Variants in C5orf63 observed in about 807,000 individuals in gnomAD.
The protein encoded by C5orf63 is chromosome 5 open reading frame 63.
A neutral mutation model predicts 13.3 loss-of-function variants in C5orf63; 18 were observed. That is an observed-to-expected ratio of 1.36 (90% CI 0.94 to 2.01). C5orf63 has a LOEUF of 2.01. Among genes scored for constraint, C5orf63 ranks in the 30% most tolerant of loss-of-function variants. The pLI is 0.00. For missense variants in C5orf63, 118 were observed against 127.7 expected (o/e 0.92, Z 0.36); for synonymous variants, 38 against 44.7 (o/e 0.85, Z 0.60).
In C5orf63 at chr5:127,051,627, G is replaced by C; in HGVS notation, c.*144C>G. On this transcript the variant is annotated 3_prime_UTR_variant, in exon 5 of 5. Coordinates refer to ENST00000296662, the MANE Select transcript of C5orf63 (RefSeq NM_001164478.2). ...ACTGATACTTCCATCAACCAAAAGG[G>C]GAATGTCAACATTTATTTGGCACCA... is the stretch of plus-strand genomic sequence containing the variant. The C allele has an allele frequency of 7.8e-7, 1 of 1,283,980 alleles. No homozygotes were observed. The highest frequency in any genetic ancestry group is 9.8e-7 in the Non-Finnish European group (1 of 1,017,206). The allele number at this position is 1,283,980 out of a possible 1,614,324, so 79.5% of individuals were successfully genotyped here. A position where few individuals can be genotyped will look rare whatever the true frequency, so the allele number is the denominator to read the frequency against.
chr5:127,070,424 C>T (rs544537888), intron 2 of C5orf63, among the ~76,000 whole-genome samples: 95 of 152,234 alleles, frequency 6.2e-4, no homozygotes, highest in African/African-American at 2.2e-3. Context: ...CATTTGTTTC[C>T]AGTTGTAACA....
chr5:127,073,075 G>A (rs972701431), intron 1 of C5orf63: 1 of 152,038 alleles, frequency 6.6e-6, no homozygotes, highest in Admixed American at 6.6e-5. Context: ...GGGCTCCCAA[G>A]TGTGATTACA....
chr5:127,048,703 AT>A (rs1292212071), downstream of C5orf63, among the ~76,000 whole-genome samples: 1 of 151,970 alleles, frequency 6.6e-6, no homozygotes, highest in African/African-American at 2.4e-5. Context: ...AGTGTCAGAA[AT>A]TTGTTGCTGA....
chr5:127,072,602 T>A (rs73339278), intron 1 of C5orf63, among the ~76,000 whole-genome samples: 8,431 of 152,096 alleles, frequency 0.055, 428 homozygotes, highest in African/African-American at 0.13. Flanking sequence ...CTTGAGGAAT[T>A]GAGAATCTTG....
intron 2 of C5orf63, among the ~76,000 whole-genome samples, chr5:127,065,651 G>A (rs1487069801): frequency 6.6e-6 from 1 of 152,158 alleles, no homozygotes; most frequent in African/African-American, 2.4e-5. Flanking sequence ...TAAGCAATGT[G>A]TGATGTGTTG....
chr5:127,071,995 A>C (rs1488368332), intron 1 of C5orf63: 1 of 152,246 alleles, frequency 6.6e-6, no homozygotes, highest in Non-Finnish European at 1.5e-5. Context: ...TCTATTACTT[A>C]CCTGCCAACA....
intron 3 of C5orf63, among the ~76,000 whole-genome samples, chr5:127,055,910 G>A (rs1753868284): frequency 6.6e-6 from 1 of 152,086 alleles, no homozygotes; most frequent in Non-Finnish European, 1.5e-5. Flanking sequence ...ATATTTTTAT[G>A]AGGAAAGGCT....
intron 4 of C5orf63, chr5:127,052,233 G>A: frequency 3.0e-6 from 1 of 337,722 alleles, no homozygotes; most frequent in Non-Finnish European, 5.3e-6. Context: ...GAAGCTGACT[G>A]AGAATCAGGA....
chr5:127,063,186 G>A (rs1176532159), intron 2 of C5orf63, among the ~76,000 whole-genome samples: 1 of 152,198 alleles, frequency 6.6e-6, no homozygotes, highest in Non-Finnish European at 1.5e-5. Flanking sequence ...GCTGATTTCA[G>A]TGGTCTTTAT....
chr5:127,059,683 G>C (rs1178513920), intron 2 of C5orf63, among the ~76,000 whole-genome samples: 1 of 149,338 alleles, frequency 6.7e-6, no homozygotes, highest in African/African-American at 2.5e-5. Flanking sequence ...AGCCATGATT[G>C]CACCACTGCA....
At chr5:127,072,489 A>C (rs531351309) in intron 1 of C5orf63, among the ~76,000 whole-genome samples, 44 of 152,312 alleles carry the variant, frequency 2.9e-4, no homozygotes, top group African/African-American at 1.0e-3. Flanking sequence ...TTGTGCACCA[A>C]GGCATAGCTC....
At chr5:127,044,251 A>G (rs1399098119), downstream of C5orf63, 1 of 152,190 alleles carries the variant, frequency 6.6e-6, no homozygotes, top group Non-Finnish European at 1.5e-5. Context: ...ATGACTCTCA[A>G]TATAGGCCTA....
intron 4 of C5orf63, 168 bp downstream of exon 4, chr5:127,052,445 A>G (rs572336420): frequency 8.7e-6 from 4 of 460,868 alleles, no homozygotes; most frequent in African/African-American, 8.1e-5. Flanking sequence ...ACTTAGGTGT[A>G]ATGAGTTTTA....
intron 4 of C5orf63, chr5:127,052,306 G>C (rs755247116): frequency 6.0e-6 from 2 of 332,594 alleles, no homozygotes; most frequent in African/African-American, 2.1e-5. Context: ...AAACACATCA[G>C]TGCAAACTGC....
downstream of C5orf63, chr5:127,044,335 C>T (rs1273407540): frequency 6.6e-6 from 1 of 152,032 alleles, no homozygotes; most frequent in Non-Finnish European, 1.5e-5. Context: ...TTTTGTATGA[C>T]ATTAATATTA....
downstream of C5orf63, among the ~76,000 whole-genome samples, chr5:127,048,549 TCC>T (rs1454502962): frequency 6.6e-6 from 1 of 151,940 alleles, no homozygotes; most frequent in Non-Finnish European, 1.5e-5. Flanking sequence ...AAAAAACTCC[TCC>T]AAAGATCCTC....
downstream of C5orf63, among the ~76,000 whole-genome samples, chr5:127,050,744 C>A (rs1391262230): frequency 1.3e-5 from 2 of 152,170 alleles, no homozygotes; most frequent in Non-Finnish European, 2.9e-5. Context: ...TACACTAAGA[C>A]TGAATCATCC....
chr5:127,052,183 C>T (rs1417446236), intron 4 of C5orf63, among the ~76,000 whole-genome samples: 7 of 152,216 alleles, frequency 4.6e-5, no homozygotes, highest in Non-Finnish European at 1.5e-5. Context: ...AGCATCAGGA[C>T]AGTACTCAGT....
At chr5:127,065,545 C>A (rs1271882662) in intron 2 of C5orf63, among the ~76,000 whole-genome samples, 2 of 152,074 alleles carry the variant, frequency 1.3e-5, no homozygotes, top group African/African-American at 4.8e-5. Context: ...ATGGGGGAAA[C>A]CTTGAACGGG....
Sources: allele counts gnomAD v4.1 joint callset (sites outside exome capture counted in the v4.1 genomes callset), GRCh38; gene constraint gnomAD v4.1.1; transcripts MANE v1.5; gene names NCBI Gene and HGNC (gene_info 2026-07-23, HGNC 2026-07-21).